SAE1: variants seen among roughly 807,000 people sequenced by gnomAD.
The protein encoded by SAE1 is SUMO1 activating enzyme subunit 1.
A neutral mutation model predicts 40.6 loss-of-function variants in SAE1; 11 were observed. That is an observed-to-expected ratio of 0.27 (90% CI 0.17 to 0.45). The LOEUF (loss-of-function observed/expected upper bound fraction) is 0.45, where lower values mean the gene tolerates loss of function less well. Among genes scored for constraint, SAE1 ranks in the 20% least tolerant of loss-of-function variants. The pLI is 1.00. For synonymous variants in SAE1, 155 were observed against 154.3 expected, an observed-to-expected ratio of 1.00 and a Z score of -0.03; for missense variants, 373 against 427.3, an observed-to-expected ratio of 0.87 and a Z score of 1.12.
At chr19:47,201,821 C>T (rs887170958) in intron 7 of SAE1, among the ~76,000 whole-genome samples, 1 of 151,958 alleles carries the variant, frequency 6.6e-6, no homozygotes, top group Non-Finnish European at 1.5e-5. Context: ...TTAGTAGAGA[C>T]GGGGTTTCAC....
At position 47,209,334 on chromosome 19, in the gene SAE1, C is replaced by T. The variant is rs752788279; in HGVS notation, c.*83C>T. On this transcript the variant is annotated 3_prime_UTR_variant, in exon 9 of 9. Transcript: ENST00000270225. ...GTCCCCTTCCTTCATGAAGGCATCTCCAGGCAAGGAAAACTGAAGTCATTG... is the reference window on the plus strand; with the variant it reads ...GTCCCCTTCCTTCATGAAGGCATCTTCAGGCAAGGAAAACTGAAGTCATTG... 2 of 1,605,154 alleles carry T rather than the reference C, an allele frequency of 1.2e-6. No individual in the cohort carries two copies. The highest frequency in any genetic ancestry group is 1.7e-6 in the Non-Finnish European group (2 of 1,174,142).
At chr19:47,198,391 C>T (rs996538853) in intron 7 of SAE1, among the ~76,000 whole-genome samples, 1 of 152,100 alleles carries the variant, frequency 6.6e-6, no homozygotes, top group Non-Finnish European at 1.5e-5. Flanking sequence ...AGATTACAGG[C>T]ATGAGCCACC....
At chr19:47,173,616 G>A (rs1233645695) in intron 6 of SAE1, among the ~76,000 whole-genome samples, 1 of 151,922 alleles carries the variant, frequency 6.6e-6, no homozygotes, top group Non-Finnish European at 1.5e-5. Flanking sequence ...TGCACTGTGG[G>A]ATATTTAGTA....
intron 1 of SAE1, among the ~76,000 whole-genome samples, chr19:47,133,336 C>T (rs1192985537): frequency 6.6e-6 from 1 of 152,228 alleles, no homozygotes; most frequent in African/African-American, 2.4e-5. Flanking sequence ...AGCGATTCTC[C>T]TGCCTCACCT....
At chr19:47,133,693 A>G (rs1040787542) in intron 1 of SAE1, among the ~76,000 whole-genome samples, 5 of 152,110 alleles carry the variant, frequency 3.3e-5, no homozygotes, top group Admixed American at 1.3e-4. Context: ...TTTTGAAGGT[A>G]GAAGAGGGAA....
chr19:47,163,817 G>C (rs1365783457), intron 5 of SAE1, among the ~76,000 whole-genome samples: 1 of 152,164 alleles, frequency 6.6e-6, no homozygotes, highest in Non-Finnish European at 1.5e-5. Flanking sequence ...ACAGAGTCTT[G>C]CTTTATTGCC....
In SAE1 at chr19:47,183,637, C is replaced by G. The variant is rs372411711; in HGVS notation, c.734-13596C>G. Among the ~76,000 whole-genome samples, 72 of 152,286 alleles carry G rather than the reference C, an allele frequency of 4.7e-4. 1 individual carries two copies. In the South Asian group the frequency reaches 0.013, roughly 29 times the overall value. On this transcript the variant is annotated intron_variant, in intron 6 of 8. Transcript: ENST00000270225. ...TTTCTTAGCAGGCCCACATCTCCCC[C>G]ACTCCCCCACCCACTTGGCAGTAGC...
intron 5 of SAE1, among the ~76,000 whole-genome samples, chr19:47,162,574 G>T (rs2058365200): frequency 6.6e-6 from 1 of 152,088 alleles, no homozygotes; most frequent in South Asian, 2.1e-4. Context: ...GCTTTTTAAA[G>T]ATTCTTGGTC....
rs551660474 is a variant in SAE1, at chr19:47,150,239, G to A, written c.248G>A (p.Arg83His). The A allele has an allele frequency of 8.1e-6, 13 of 1,612,214 alleles. No homozygotes were observed. Among genetic ancestry groups the A allele is most frequent in the Admixed American group, 1.7e-5 (1 of 59,710 alleles). Reference sequence around the variant, plus strand: ...GATCCCGGAGCTCAGTTCTTGATTCGTACTGGGTCTGTTGGCCGAAATAGG... The same window carrying A: ...GATCCCGGAGCTCAGTTCTTGATTCATACTGGGTCTGTTGGCCGAAATAGG... ...PEDPGAQFLIRTGSVGRNRAE... is the reference protein window; with the variant it reads ...PEDPGAQFLIHTGSVGRNRAE... Residue 83 changes from arginine to histidine, a missense_variant, in exon 3 of 9, where the codon CGT becomes CAT. Physicochemically the swap from Arg to His is conservative, Grantham distance 29. Coordinates refer to ENST00000270225, the MANE Select transcript of SAE1 (RefSeq NM_005500.3).
intron 1 of SAE1, among the ~76,000 whole-genome samples, chr19:47,138,087 A>G (rs541592398): frequency 6.6e-6 from 1 of 151,878 alleles, no homozygotes; most frequent in Admixed American, 6.6e-5. Context: ...CTTGTTGCCC[A>G]GGCTGGAGTG....
At chr19:47,175,184 G>A (rs761690435) in intron 6 of SAE1, among the ~76,000 whole-genome samples, 3 of 149,604 alleles carry the variant, frequency 2.0e-5, no homozygotes, top group Admixed American at 6.7e-5. Flanking sequence ...ATGCAGGGTG[G>A]CTTTGGGGGA....
Position 47,203,739 on chromosome 19 carries a change from A to G in SAE1, c.947A>G (p.Lys316Arg). 1 of 1,613,514 alleles carries G rather than the reference A, an allele frequency of 6.2e-7. No individual in the cohort carries two copies. The highest frequency in any genetic ancestry group is 8.5e-7 in the Non-Finnish European group (1 of 1,179,436). The part of the protein sequence containing the change: ...VGGILAQEIV[K>R]ALSQRDPPHN... ...GGGATTTTGGCACAGGAAATTGTGA[A>G]GGTAAAACATCACTGTGGAGCAGAA... is the stretch of plus-strand genomic sequence containing the variant. Residue 316 changes from lysine (K) to arginine (R), a missense_variant and splice_region_variant, in exon 8 of 9, where the codon AAG becomes AGG. Physicochemically the swap from Lys to Arg is conservative, Grantham distance 26. Transcript: ENST00000270225.
intron 2 of SAE1, among the ~76,000 whole-genome samples, chr19:47,147,904 G>A (rs991777759): frequency 5.9e-5 from 9 of 151,548 alleles, no homozygotes; most frequent in Non-Finnish European, 4.4e-5. Flanking sequence ...GACTACAGGC[G>A]CCCACCACCA....
chr19:47,144,246 A>G (rs186518237), intron 2 of SAE1, among the ~76,000 whole-genome samples: 2 of 152,162 alleles, frequency 1.3e-5, no homozygotes, highest in African/African-American at 4.8e-5. Flanking sequence ...AGGCACAAGA[A>G]TCGCTTGAAT....
intron 3 of SAE1, among the ~76,000 whole-genome samples, chr19:47,151,870 G>C (rs1046813813): frequency 3.3e-5 from 5 of 152,212 alleles, no homozygotes; most frequent in African/African-American, 1.2e-4. Context: ...TGTGCATGGG[G>C]CCATGTTGAC....
At chr19:47,169,083 T>G (rs1021113149) in intron 5 of SAE1, among the ~76,000 whole-genome samples, 1 of 152,210 alleles carries the variant, frequency 6.6e-6, no homozygotes, top group African/African-American at 2.4e-5. Context: ...CTGTTATTTA[T>G]TATGTCATCC....
At chr19:47,168,108 G>T (rs560638737) in intron 5 of SAE1, among the ~76,000 whole-genome samples, 2 of 152,212 alleles carry the variant, frequency 1.3e-5, no homozygotes, top group Non-Finnish European at 2.9e-5. Flanking sequence ...CACGAGAATT[G>T]CTTGAACCCA....
At chr19:47,132,885 G>A (rs1040881648) in intron 1 of SAE1, among the ~76,000 whole-genome samples, 7 of 136,446 alleles carry the variant, frequency 5.1e-5, no homozygotes, top group South Asian at 2.3e-4. Flanking sequence ...GTGAGGCCCC[G>A]TCTCAAAAAA....
At chr19:47,139,162 G>C (rs2058201353) in intron 1 of SAE1, among the ~76,000 whole-genome samples, 1 of 152,074 alleles carries the variant, frequency 6.6e-6, no homozygotes, top group African/African-American at 2.4e-5. Flanking sequence ...ATATTGGCCA[G>C]GCTGGTCTCG....
Sources: allele counts gnomAD v4.1 joint callset (sites outside exome capture counted in the v4.1 genomes callset), GRCh38; gene constraint gnomAD v4.1.1; transcripts MANE v1.5; gene names NCBI Gene and HGNC (gene_info 2026-07-23, HGNC 2026-07-21).